The following SLC22A23 variants were observed in gnomAD, a reference collection of about 807,000 sequenced individuals.
The protein encoded by SLC22A23 is solute carrier family 22 member 23, also known as ion transporter protein.
In SLC22A23, 26 loss-of-function variants were observed where a neutral mutation model predicts 61.0. The observed-to-expected ratio is 0.43, with a 90% confidence interval of 0.31 to 0.59. The LOEUF is 0.59. Ranked by LOEUF, SLC22A23 falls within the 20% of genes least tolerant of loss-of-function variation. SLC22A23 has a pLI of 0.11. For missense variants in SLC22A23, 796 were observed against 934.7 expected (o/e 0.85, Z 1.94); for synonymous variants, 430 against 413.9 (o/e 1.04, Z -0.47).
At chr6:3,377,063 T>C (rs953809721) in intron 3 of SLC22A23, among the ~76,000 whole-genome samples, 1 of 152,096 alleles carries the variant, frequency 6.6e-6, no homozygotes, top group African/African-American at 2.4e-5. Flanking sequence ...AGAGCAGAGG[T>C]TGGCAAACTG....
intron 1 of SLC22A23, among the ~76,000 whole-genome samples, chr6:3,421,671 G>A (rs995156267): frequency 1.3e-5 from 2 of 151,920 alleles, no homozygotes; most frequent in African/African-American, 4.8e-5. Flanking sequence ...AACTTTCTAC[G>A]ATGAATCTAT....
chr6:3,347,940 G>A (rs961807598), intron 3 of SLC22A23, among the ~76,000 whole-genome samples: 1 of 152,144 alleles, frequency 6.6e-6, no homozygotes, highest in African/African-American at 2.4e-5. Context: ...GCCCCAGCCT[G>A]GACGCCCTCC....
chr6:3,319,115 T>C (rs1432975271), intron 4 of SLC22A23, among the ~76,000 whole-genome samples: 1 of 152,140 alleles, frequency 6.6e-6, no homozygotes. Context: ...GACACAGGAT[T>C]CCCCTGCTTA....
chr6:3,394,254 A>G (rs1217635337), intron 3 of SLC22A23, among the ~76,000 whole-genome samples: 1 of 152,156 alleles, frequency 6.6e-6, no homozygotes, highest in Non-Finnish European at 1.5e-5. Context: ...TGCAAAGAAC[A>G]AGATCCGTGT....
At position 3,297,055 on chromosome 6, in the gene SLC22A23, C is replaced by T. The variant is rs75248090; in HGVS notation, c.1210+1036G>A. Among the ~76,000 whole-genome samples the T allele has an allele frequency of 0.014, 2,077 of 152,354 alleles. 21 individuals carry two copies. Among genetic ancestry groups the T allele is most frequent in the South Asian group, 0.024 (114 of 4,828 alleles). Reference sequence around the variant, plus strand: ...CTCCCTGCCACCCTCTATCCCACAGCCCTGCTGTTTCATCCCTCCTGACGT... The same window carrying T: ...CTCCCTGCCACCCTCTATCCCACAGTCCTGCTGTTTCATCCCTCCTGACGT... On this transcript the variant is annotated intron_variant, in intron 5 of 9. Coordinates refer to ENST00000406686, the MANE Select transcript of SLC22A23 (RefSeq NM_015482.2). The surrounding 1 kb of genome is among the most constrained non-coding windows in gnomAD (Gnocchi z 4.3).
rs1758382447 is a variant in SLC22A23 at position 3,270,107 on chromosome 6, G to A, written c.*2948C>T. The A allele has an allele frequency of 6.6e-6, 1 of 152,388 alleles. No individual in the cohort carries two copies. Among genetic ancestry groups the A allele is most frequent in the South Asian group, 2.1e-4 (1 of 4,834 alleles). 9.4% of individuals were successfully genotyped at this position (152,388 alleles called of 1,614,324 possible). ...AGAAATGTTCAGCTCCATCTCAGGT[G>A]TTCACATTTGTGCATAACTTTTATT... On this transcript the variant is annotated 3_prime_UTR_variant, in exon 10 of 10. Coordinates refer to ENST00000406686, the MANE Select transcript of SLC22A23 (RefSeq NM_015482.2).
At chr6:3,336,215 G>T (rs1189776148) in intron 3 of SLC22A23, among the ~76,000 whole-genome samples, 1 of 152,200 alleles carries the variant, frequency 6.6e-6, no homozygotes, top group Non-Finnish European at 1.5e-5. Context: ...TCCCAAGAAG[G>T]TGGGAGGCTG....
intron 9 of SLC22A23, among the ~76,000 whole-genome samples, chr6:3,275,795 G>C (rs1443054249): frequency 1.3e-5 from 2 of 152,212 alleles, no homozygotes. Context: ...TGTTAGCCAG[G>C]GTGGTCTTGA....
At position 3,427,922 on chromosome 6, in the gene SLC22A23, C is replaced by G. The variant is rs183679776; in HGVS notation, c.655-12067G>C. On this transcript the variant is annotated intron_variant, in intron 1 of 9. Coordinates refer to ENST00000406686, the MANE Select transcript of SLC22A23 (RefSeq NM_015482.2). This position sits in a 1 kb window ranked among gnomAD's most constrained non-coding sequence, Gnocchi z 4.3. Reference sequence around the variant, plus strand: ...CCTCTGGTCGGGAGAGGAAGAAGGTCGGCTGCACCCGAGGTGGGGTGAGCC... The same window carrying G: ...CCTCTGGTCGGGAGAGGAAGAAGGTGGGCTGCACCCGAGGTGGGGTGAGCC... Among the ~76,000 whole-genome samples the G allele has an allele frequency of 6.6e-6, 1 of 152,198 alleles. No individual in the cohort carries two copies. Among genetic ancestry groups the G allele is most frequent in the Non-Finnish European group, 1.5e-5 (1 of 68,030 alleles).
At chr6:3,455,299 T>A (rs1255006163) in intron 1 of SLC22A23, among the ~76,000 whole-genome samples, 1 of 152,120 alleles carries the variant, frequency 6.6e-6, no homozygotes, top group African/African-American at 2.4e-5. Context: ...AATGACATAT[T>A]CTCCGCGTCC....
In SLC22A23 at chr6:3,309,641, C is replaced by T. The variant is rs147986662; in HGVS notation, c.1083-11423G>A. ...CGAGCAGGTGGCAGGAGGCAGCGGG[C>T]CAGCTGCACACAGGCGTTCCAGCCT... On this transcript the variant is annotated intron_variant, in intron 4 of 9. Coordinates refer to ENST00000406686, the MANE Select transcript of SLC22A23 (RefSeq NM_015482.2). The surrounding 1 kb of genome is among the most constrained non-coding windows in gnomAD (Gnocchi z 4.7). 0.019 allele frequency among the ~76,000 whole-genome samples: 2,909 copies of T among 151,254 alleles called. 42 individuals are homozygous for T. The highest frequency in any genetic ancestry group is 0.028 in the Admixed American group (431 of 15,256).
At chr6:3,359,342 C>A (rs1383134696) in intron 3 of SLC22A23, among the ~76,000 whole-genome samples, 1 of 152,174 alleles carries the variant, frequency 6.6e-6, no homozygotes, top group Non-Finnish European at 1.5e-5. Context: ...AGTGGTTCTC[C>A]TTAGGTCACA....
intron 1 of SLC22A23, among the ~76,000 whole-genome samples, chr6:3,448,163 G>A (rs992635429): frequency 6.6e-5 from 10 of 150,654 alleles, no homozygotes; most frequent in African/African-American, 1.7e-4. Flanking sequence ...TCGGCCTCCC[G>A]AAGTGCTGGG....
chr6:3,289,129 C>G (rs1760325878), intron 6 of SLC22A23, among the ~76,000 whole-genome samples: 1 of 152,268 alleles, frequency 6.6e-6, no homozygotes, highest in South Asian at 2.1e-4. Flanking sequence ...GACCACCTTG[C>G]ACAGTCAGGG....
chr6:3,422,187 C>T (rs1388095759), intron 1 of SLC22A23, among the ~76,000 whole-genome samples: 3 of 152,142 alleles, frequency 2.0e-5, no homozygotes, highest in Admixed American at 1.3e-4. Flanking sequence ...CTGACTGGGT[C>T]GCAGGAATTT....
At chr6:3,398,398 C>G (rs1052952085) in intron 3 of SLC22A23, among the ~76,000 whole-genome samples, 6 of 150,756 alleles carry the variant, frequency 4.0e-5, no homozygotes, top group Admixed American at 3.3e-4. Context: ...ACGCAAGCAC[C>G]TCTCAGCCAG....
chr6:3,303,147 A>G (rs974621703), intron 4 of SLC22A23: 1 of 152,232 alleles, frequency 6.6e-6, no homozygotes, highest in African/African-American at 2.4e-5. Flanking sequence ...AATCAAAACC[A>G]CAATGAGGTA....
chr6:3,329,377 T>C lies in SLC22A23; in HGVS notation c.914-5375A>G, dbSNP rs772601396. On this transcript the variant is annotated intron_variant, in intron 3 of 9. Coordinates refer to ENST00000406686, the MANE Select transcript of SLC22A23 (RefSeq NM_015482.2). The surrounding 1 kb of genome is among the most constrained non-coding windows in gnomAD (Gnocchi z 4.8). Reference sequence around the variant, plus strand: ...ATGACCATAGAGAGAATATACATTTTCTTGGGATTGCTAAGTGCTCCTGGC... The same window carrying C: ...ATGACCATAGAGAGAATATACATTTCCTTGGGATTGCTAAGTGCTCCTGGC... Among the ~76,000 whole-genome samples, 8 of 152,234 alleles carry C rather than the reference T, an allele frequency of 5.3e-5. No homozygotes were observed. Among genetic ancestry groups the C allele is most frequent in the Non-Finnish European group, 7.3e-5 (5 of 68,052 alleles).
rs1763165999 is a variant in SLC22A23, at chr6:3,324,520, T to G, written c.914-518A>C. On this transcript the variant is annotated intron_variant, in intron 3 of 9. Transcript: ENST00000406686. This position sits in a 1 kb window ranked among gnomAD's most constrained non-coding sequence, Gnocchi z 4.3. The stretch of plus-strand genomic sequence containing the variant: ...TTCTGGTTCTCACTCCAGGGCTCCT[T>G]GAGCACTCCGAGTTCCAGGCAACCT... Among the ~76,000 whole-genome samples, 1 of 152,120 alleles carries G rather than the reference T, an allele frequency of 6.6e-6. No individual in the cohort carries two copies. Among genetic ancestry groups the G allele is most frequent in the Non-Finnish European group, 1.5e-5 (1 of 68,028 alleles).
Sources: gnomAD v4.1 joint callset for allele counts (sites outside exome capture counted in the v4.1 genomes callset) on GRCh38, gnomAD v4.1.1 for gene constraint, Gnocchi (gnomAD v3.1) non-coding constraint, MANE v1.5 for transcripts, NCBI Gene and HGNC (gene_info 2026-07-23, HGNC 2026-07-21) for gene names.